The following LRMDA variants were observed in gnomAD, a reference collection of about 807,000 sequenced individuals.
LRMDA encodes leucine rich melanocyte differentiation associated.
A neutral mutation model predicts 29.8 loss-of-function variants in LRMDA; 18 were observed. That is an observed-to-expected ratio of 0.60 (90% CI 0.42 to 0.90). The LOEUF (loss-of-function observed/expected upper bound fraction) is 0.90, where lower values mean the gene tolerates loss of function less well. Ranked by LOEUF, LRMDA falls within the 40% of genes least tolerant of loss-of-function variation. The pLI is 0.00. For synonymous variants in LRMDA, 125 were observed against 109.4 expected, an observed-to-expected ratio of 1.14 and a Z score of -0.89; for missense variants, 273 against 273.9, an observed-to-expected ratio of 1.00 and a Z score of 0.02.
At chr10:75,947,307 G>A (rs1846492703) in intron 2 of LRMDA, among the ~76,000 whole-genome samples, 1 of 152,158 alleles carries the variant, frequency 6.6e-6, no homozygotes, top group Non-Finnish European at 1.5e-5. Context: ...GGGATGAGTT[G>A]GCTCAGGTGA....
chr10:76,363,133 G>GAAAGAAAGA (rs1411113917), intron 6 of LRMDA, among the ~76,000 whole-genome samples: 1 of 23,320 alleles, frequency 4.3e-5, no homozygotes, highest in East Asian at 5.7e-4. Context: ...AAGAAAGAAA[G>GAAAGAAAGA]AAAGAAAGAA....
intron 2 of LRMDA, among the ~76,000 whole-genome samples, chr10:75,461,849 C>A (rs1415352125): frequency 6.6e-6 from 1 of 152,170 alleles, no homozygotes; most frequent in East Asian, 1.9e-4. Flanking sequence ...CTGGGTAGGT[C>A]TTTGTCGAAG....
intron 5 of LRMDA, among the ~76,000 whole-genome samples, chr10:76,303,005 C>T (rs1357886659): frequency 6.6e-6 from 1 of 152,176 alleles, no homozygotes; most frequent in Non-Finnish European, 1.5e-5. Flanking sequence ...TCATCTCCCC[C>T]TGAAAGAAAG....
rs74524448 is a variant in LRMDA at position 76,415,622 on chromosome 10, G to A, written c.601+91137G>A. ...CGTGTATGTGTGTGTGTGTGTGTGT[G>A]CGTGTGTGTATACAGATTTTTCTGG... On this transcript the variant is annotated intron_variant, in intron 6 of 6. Transcript: ENST00000611255. Among the ~76,000 whole-genome samples, 138 of 151,594 alleles carry A rather than the reference G, an allele frequency of 9.1e-4. 1 individual carries two copies. The highest frequency in any genetic ancestry group is 1.4e-3 in the Non-Finnish European group (97 of 67,786).
intron 5 of LRMDA, among the ~76,000 whole-genome samples, chr10:76,323,144 T>C (rs964316580): frequency 6.6e-6 from 1 of 152,114 alleles, no homozygotes; most frequent in African/African-American, 2.4e-5. Context: ...AGTGAAGAAA[T>C]GCTACCTGAA....
intron 2 of LRMDA, among the ~76,000 whole-genome samples, chr10:75,667,953 A>G (rs1030857206): frequency 6.6e-6 from 1 of 152,228 alleles, no homozygotes; most frequent in African/African-American, 2.4e-5. Context: ...TAAAAATTAC[A>G]CTACTATCAA....
chr10:75,968,488 A>G (rs1186192651), intron 2 of LRMDA, among the ~76,000 whole-genome samples: 1 of 152,228 alleles, frequency 6.6e-6, no homozygotes, highest in Non-Finnish European at 1.5e-5. Context: ...GATAGAGGGA[A>G]GGCTGCACAT....
intron 2 of LRMDA, among the ~76,000 whole-genome samples, chr10:75,582,508 C>T (rs1281800858): frequency 6.6e-6 from 1 of 152,176 alleles, no homozygotes; most frequent in African/African-American, 2.4e-5. Context: ...GAGCAGTGTC[C>T]TGAGGCTGGG....
At chr10:76,467,228 G>A (rs1236581360) in intron 6 of LRMDA, among the ~76,000 whole-genome samples, 1 of 152,150 alleles carries the variant, frequency 6.6e-6, no homozygotes, top group Non-Finnish European at 1.5e-5. Context: ...AGTAGGGTGA[G>A]ATTACAATGT....
intron 2 of LRMDA, among the ~76,000 whole-genome samples, chr10:75,716,472 T>C (rs1385729625): frequency 6.6e-6 from 1 of 152,252 alleles, no homozygotes; most frequent in African/African-American, 2.4e-5. Flanking sequence ...AACAATGCTT[T>C]TTGTCCAATG....
At chr10:75,658,295 GAAA>G (rs10649469) in intron 2 of LRMDA, among the ~76,000 whole-genome samples, 1 of 76,638 alleles carries the variant, frequency 1.3e-5, no homozygotes, top group Non-Finnish European at 3.2e-5. Flanking sequence ...CAAAGAAAAT[GAAA>G]AAAAAAAAAA....
intron 2 of LRMDA, among the ~76,000 whole-genome samples, chr10:75,524,411 G>A (rs1383399733): frequency 6.6e-6 from 1 of 152,094 alleles, no homozygotes; most frequent in African/African-American, 2.4e-5. Flanking sequence ...TATAATGGGG[G>A]ACCAATAAAC....
Position 76,257,206 on chromosome 10 carries a change from T to TA in LRMDA, c.517-67188dup, listed in dbSNP as rs926399702. ...TAATTATTTCAAAACAAAAGCAAATTAAAAAAATAATAATTACTAATTACG... is the reference window on the plus strand; with the variant it reads ...TAATTATTTCAAAACAAAAGCAAATTAAAAAAAATAATAATTACTAATTACG... On this transcript the variant is annotated intron_variant, in intron 5 of 6. Transcript: ENST00000611255. 4.6e-5 allele frequency among the ~76,000 whole-genome samples: 7 copies of TA among 152,202 alleles called. No individual in the cohort carries two copies. In the South Asian group the frequency reaches 1.2e-3, roughly 27 times the overall value.
chr10:75,758,154 C>T (rs953763022), intron 2 of LRMDA, among the ~76,000 whole-genome samples: 1 of 152,176 alleles, frequency 6.6e-6, no homozygotes, highest in Non-Finnish European at 1.5e-5. Flanking sequence ...TAAGAGGGAC[C>T]TTCTGAAGCC....
intron 5 of LRMDA, among the ~76,000 whole-genome samples, chr10:76,085,858 T>C (rs1849125385): frequency 2.0e-5 from 3 of 152,142 alleles, no homozygotes; most frequent in Non-Finnish European, 4.4e-5. Context: ...ATCCTCTTCC[T>C]CATGAAGGAT....
intron 2 of LRMDA, among the ~76,000 whole-genome samples, chr10:75,630,278 T>G (rs1032846365): frequency 6.6e-6 from 1 of 152,190 alleles, no homozygotes; most frequent in Non-Finnish European, 1.5e-5. Context: ...TGTGTGGGTA[T>G]GGTGTGATTG....
intron 2 of LRMDA, among the ~76,000 whole-genome samples, chr10:75,745,107 C>T (rs1454174202): frequency 1.3e-5 from 2 of 152,182 alleles, no homozygotes; most frequent in African/African-American, 2.4e-5. Context: ...ATGACGTCTC[C>T]CAAGCCCACA....
At chr10:75,505,244 G>A (rs55950263) in intron 2 of LRMDA, among the ~76,000 whole-genome samples, 13,377 of 152,162 alleles carry the variant, frequency 0.088, 1,954 homozygotes, top group African/African-American at 0.31. Flanking sequence ...TGGTCTCATG[G>A]CATTGTACTT....
At chr10:75,725,755 T>A (rs566646531) in intron 2 of LRMDA, among the ~76,000 whole-genome samples, 61 of 152,342 alleles carry the variant, frequency 4.0e-4, no homozygotes, top group Middle Eastern at 6.8e-3. Context: ...TAAGAAAAAG[T>A]AAAACATTAA....
Sources: allele counts gnomAD v4.1 joint callset (sites outside exome capture counted in the v4.1 genomes callset), GRCh38; gene constraint gnomAD v4.1.1; transcripts MANE v1.5; gene names NCBI Gene and HGNC (gene_info 2026-07-23, HGNC 2026-07-21).